CEP43: variants seen among roughly 807,000 people sequenced by gnomAD.
CEP43 encodes FGFR1 oncogene partner.
Under a neutral mutation model 52.6 loss-of-function variants are expected in CEP43, and 36 were observed. The ratio of observed to expected loss-of-function variants is 0.68; its 90% CI spans 0.52 to 0.90. CEP43 has a LOEUF of 0.90. CEP43 is among the 40% of genes least tolerant of loss of function. CEP43 has a pLI of 0.00. For synonymous variants in CEP43, 192 were observed against 172.4 expected, an observed-to-expected ratio of 1.11 and a Z score of -0.89; for missense variants, 506 against 472.8, an observed-to-expected ratio of 1.07 and a Z score of -0.65.
rs977160973 is a variant in CEP43 at position 167,043,712 on chromosome 6, T to C, written c.*3734T>C. The C allele has an allele frequency of 2.6e-5, 4 of 152,140 alleles. No individual in the cohort carries two copies. Among genetic ancestry groups the C allele is most frequent in the African/African-American group, 9.7e-5 (4 of 41,400 alleles). 9.4% of individuals were successfully genotyped at this position (152,140 alleles called of 1,614,324 possible). ...CTTCCTGCTCTAGGAAGGGACGTGT[T>C]TGGGGAGGAAATCCAGGGCAGCTAC... On this transcript the variant is annotated 3_prime_UTR_variant, in exon 13 of 13. Transcript: ENST00000366847.
chr6:167,033,344 C>T (rs866567536), intron 11 of CEP43, among the ~76,000 whole-genome samples: 2 of 151,964 alleles, frequency 1.3e-5, no homozygotes, highest in Admixed American at 6.6e-5. Flanking sequence ...CTCCTGACCT[C>T]GTGATCCACC....
In CEP43 at chr6:167,000,062, T is replaced by C; in HGVS notation, c.105T>C (p.Ala35=). 6.2e-7 allele frequency: 1 copy of C among 1,611,848 alleles called. No homozygotes were observed. Among genetic ancestry groups the C allele is most frequent in the Non-Finnish European group, 8.5e-7 (1 of 1,178,428 alleles). Residue 35 remains alanine, a splice_region_variant and synonymous_variant, in exon 2 of 13, where the codon GCT becomes GCC. Coordinates refer to ENST00000366847, the MANE Select transcript of CEP43 (RefSeq NM_007045.4). ...ENSGVLNRIK[A]ELRAAVFLAL... is the part of the protein sequence containing the mutation. Reference sequence around the variant, plus strand: ...CTGTTTCTTAACTTTTTTTTAAGGCTGAACTCCGAGCAGCTGTGTTTTTAG... The same window carrying C: ...CTGTTTCTTAACTTTTTTTTAAGGCCGAACTCCGAGCAGCTGTGTTTTTAG...
chr6:167,025,196 C>CT (rs1270966727), intron 9 of CEP43: 2 of 187,278 alleles, frequency 1.1e-5, no homozygotes, highest in Non-Finnish European at 2.2e-5. Context: ...ATCATCTCTC[C>CT]TTTTTTGGAC....
At chr6:167,022,664 C>A in intron 8 of CEP43, 29 bp downstream of exon 8, 1 of 1,378,084 alleles carries the variant, frequency 7.3e-7, no homozygotes, top group Non-Finnish European at 1.0e-6. Flanking sequence ...AGCTATGAGA[C>A]TAGGGGTTTA....
chr6:167,036,296 T>G, intron 12 of CEP43: 1 of 985,432 alleles, frequency 1.0e-6, no homozygotes, highest in African/African-American at 1.7e-5. Context: ...CCGGGACATG[T>G]CAGTGCTGCC....
Position 167,040,192 on chromosome 6 carries a change from T to G in CEP43, c.*214T>G. 3 of 1,529,936 alleles carry G rather than the reference T, an allele frequency of 2.0e-6. No homozygotes were observed. In the Admixed American group the frequency reaches 6.0e-5, roughly 31 times the overall value. 94.8% of individuals were successfully genotyped at this position (1,529,936 alleles called of 1,614,324 possible). A position where few individuals can be genotyped will look rare whatever the true frequency, so the allele number is the denominator to read the frequency against. On this transcript the variant is annotated 3_prime_UTR_variant, in exon 13 of 13. Transcript: ENST00000366847. ...GTGTGGAAGATTTAATATTCTTAAT[T>G]TAACTGTACATTTCTTTATGGAAAT...
chr6:167,041,803 G>A lies in CEP43; in HGVS notation c.*1825G>A. The A allele has an allele frequency of 2.0e-6, 1 of 509,216 alleles. No homozygotes were observed. The highest frequency in any genetic ancestry group is 2.4e-6 in the Non-Finnish European group (1 of 414,088). 31.5% of individuals were successfully genotyped at this position (509,216 alleles called of 1,614,324 possible). On this transcript the variant is annotated 3_prime_UTR_variant, in exon 13 of 13. Coordinates refer to ENST00000366847, the MANE Select transcript of CEP43 (RefSeq NM_007045.4). Reference sequence around the variant, plus strand: ...AATATGCCAAATATGAAACTTTTTTGTCAGCACTACATACATCTTTTTTTT... The same window carrying A: ...AATATGCCAAATATGAAACTTTTTTATCAGCACTACATACATCTTTTTTTT...
At chr6:167,026,187 A>C (rs182177336) in intron 9 of CEP43, among the ~76,000 whole-genome samples, 1 of 152,070 alleles carries the variant, frequency 6.6e-6, no homozygotes, top group Non-Finnish European at 1.5e-5. Flanking sequence ...ACATAGGGAA[A>C]CCCTGTCTCT....
chr6:167,012,227 T>C (rs1780002570), intron 6 of CEP43, among the ~76,000 whole-genome samples: 1 of 152,230 alleles, frequency 6.6e-6, no homozygotes. Flanking sequence ...TTCTTTGATG[T>C]TGTTGCTCCT....
At position 167,021,552 on chromosome 6, in the gene CEP43, G is replaced by A. The variant is rs75255771; in HGVS notation, c.580-857G>A. 8.5e-3 allele frequency among the ~76,000 whole-genome samples: 1,293 copies of A among 152,156 alleles called. 13 individuals are homozygous for A. Among genetic ancestry groups the A allele is most frequent in the African/African-American group, 0.029 (1,215 of 41,486 alleles). Reference sequence around the variant, plus strand: ...TATTATTAACATAGACCCGTCTAAGGGCAGAAAGAAATCTGACCAAGAATG... The same window carrying A: ...TATTATTAACATAGACCCGTCTAAGAGCAGAAAGAAATCTGACCAAGAATG... On this transcript the variant is annotated intron_variant, in intron 7 of 12. Transcript: ENST00000366847.
intron 7 of CEP43, among the ~76,000 whole-genome samples, chr6:167,017,720 TTA>T: frequency 6.6e-6 from 1 of 152,166 alleles, no homozygotes; most frequent in East Asian, 1.9e-4. Context: ...GGCTTCTTTA[TTA>T]TATGAGTGTA....
intron 7 of CEP43, among the ~76,000 whole-genome samples, chr6:167,014,935 G>A (rs1045100298): frequency 1.8e-4 from 27 of 152,160 alleles, no homozygotes; most frequent in Non-Finnish European, 3.1e-4. Context: ...AAATTTAAAA[G>A]CATATTTTAT....
Position 167,034,090 on chromosome 6 carries a change from C to T in CEP43, c.1125+119C>T, listed in dbSNP as rs528034117. 9.0e-5 allele frequency: 42 copies of T among 468,366 alleles called. No individual in the cohort carries two copies. The South Asian group carries it at 1.2e-3, about 13-fold the overall frequency. The allele number at this position is 468,366 out of a possible 1,614,324, so 29.0% of individuals were successfully genotyped here. ...AAAACAGTTGAAAATTATGAAAAGT[C>T]ATGACAGAGACCTGGCTCGAGTTTA... On this transcript the variant is annotated intron_variant, in intron 12 of 12. Transcript: ENST00000366847.
At position 167,013,600 on chromosome 6, in the gene CEP43, C is replaced by T. The variant is rs752087234; in HGVS notation, c.579+33C>T. The T allele has an allele frequency of 2.4e-5, 39 of 1,592,628 alleles. 1 individual carries two copies. Among genetic ancestry groups the T allele is most frequent in the Non-Finnish European group, 3.3e-5 (38 of 1,161,206 alleles). On this transcript the variant is annotated intron_variant, in intron 7 of 12. Coordinates refer to ENST00000366847, the MANE Select transcript of CEP43 (RefSeq NM_007045.4). ...GCATGAGGGCAGAGGAGAAAAGCAGCCTGTGGGCATCAGGTCTCGACTCTG... is the reference window on the plus strand; with the variant it reads ...GCATGAGGGCAGAGGAGAAAAGCAGTCTGTGGGCATCAGGTCTCGACTCTG...
At chr6:167,020,428 C>T (rs553730240) in intron 7 of CEP43, among the ~76,000 whole-genome samples, 4 of 152,252 alleles carry the variant, frequency 2.6e-5, no homozygotes, top group African/African-American at 9.6e-5. Context: ...AAAGTGAAAC[C>T]ATCCTTCAGG....
At chr6:167,034,001 CT>C (rs566553907) in intron 12 of CEP43, 30 bp downstream of exon 12, 73,012 of 771,876 alleles carry the variant, frequency 0.095, no homozygotes, top group South Asian at 0.14. Context: ...CCATAGAGTG[CT>C]TTTTTTTTTT....
At chr6:167,038,568 T>G (rs1159096780) in intron 12 of CEP43, among the ~76,000 whole-genome samples, 1 of 152,192 alleles carries the variant, frequency 6.6e-6, no homozygotes, top group African/African-American at 2.4e-5. Context: ...TTTAATACAG[T>G]TTTTCACTAA....
Position 167,044,606 on chromosome 6 carries a change from A to G in CEP43, c.*4628A>G. ...GAGGGACAGCGTTTTTGAATGTGAA[A>G]TTTATTCCCTGATACATGTTTTTAA... On this transcript the variant is annotated 3_prime_UTR_variant, in exon 13 of 13. Transcript: ENST00000366847. The G allele has an allele frequency of 2.2e-6, 2 of 907,836 alleles. No individual in the cohort carries two copies. The highest frequency in any genetic ancestry group is 2.6e-6 in the Non-Finnish European group (2 of 759,226). The allele number at this position is 907,836 out of a possible 1,614,324, so 56.2% of individuals were successfully genotyped here.
intron 7 of CEP43, among the ~76,000 whole-genome samples, chr6:167,017,110 C>T (rs1012647111): frequency 6.6e-6 from 1 of 151,708 alleles, no homozygotes; most frequent in Non-Finnish European, 1.5e-5. Context: ...AGGCTCCTGC[C>T]TCAGCCTCCT....
Sources: gnomAD v4.1 joint callset for allele counts (sites outside exome capture counted in the v4.1 genomes callset) on GRCh38, gnomAD v4.1.1 for gene constraint, MANE v1.5 for transcripts, NCBI Gene and HGNC (gene_info 2026-07-23, HGNC 2026-07-21) for gene names.